Variants in SMG6 observed in about 807,000 individuals in gnomAD.
The protein encoded by SMG6 is SMG6 nonsense mediated mRNA decay factor.
SMG6 carries 66 observed loss-of-function variants against 142.2 expected under a neutral mutation model. The observed-to-expected ratio is 0.46, with a 90% CI of 0.38 to 0.57. The LOEUF (loss-of-function observed/expected upper bound fraction) is 0.57. SMG6 is among the 20% of genes least tolerant of loss of function. SMG6 has a pLI of 0.00. For synonymous variants in SMG6, 779 were observed against 702.4 expected (o/e 1.11, Z -1.72); for missense variants, 1,793 against 1,832.0 (o/e 0.98, Z 0.39).
chr17:2,101,996 T>C (rs974671947), intron 13 of SMG6, among the ~76,000 whole-genome samples: 12 of 152,164 alleles, frequency 7.9e-5, no homozygotes, highest in South Asian at 2.1e-4. Context: ...TCAGAGCTGA[T>C]TTCTTGAAGA....
At chr17:2,062,251 A>AGT (rs2067803900) in intron 18 of SMG6, 2 of 152,522 alleles carry the variant, frequency 1.3e-5, no homozygotes, top group African/African-American at 4.8e-5. Flanking sequence ...TACAGGCGAA[A>AGT]GTCTCTAAGA....
chr17:2,088,034 G>T, intron 13 of SMG6: 1 of 985,678 alleles, frequency 1.0e-6, no homozygotes, highest in South Asian at 4.7e-5. Context: ...GGAGAGGGGA[G>T]CTAAGGAGTG....
chr17:2,277,390 T>C (rs1201378788), intron 8 of SMG6, among the ~76,000 whole-genome samples: 2 of 151,922 alleles, frequency 1.3e-5, no homozygotes, highest in African/African-American at 2.4e-5. Context: ...ATGGTCTCGA[T>C]CTCCTGACCT....
At position 2,068,793 on chromosome 17, in the gene SMG6, C is replaced by T. The variant is rs1173606649; in HGVS notation, c.3820G>A (p.Val1274Met). 1 of 1,614,112 alleles carries T rather than the reference C, an allele frequency of 6.2e-7. No homozygotes were observed. Among genetic ancestry groups the T allele is most frequent in the East Asian group, 2.2e-5 (1 of 44,892 alleles). ...CCTGACTCACCGATGAGGGGCACCACCAGGATGTACTTCCTGCTCTCCAGC... is the reference window on the plus strand; with the variant it reads ...CCTGACTCACCGATGAGGGGCACCATCAGGATGTACTTCCTGCTCTCCAGC... ...RLLESRKYIL[V>M]VPLIVINELD... The change falls in exon 16 of 19, where the codon GTG becomes ATG. Residue 1274 changes from valine to methionine, a missense_variant. By Grantham distance (21) the Val-to-Met change is conservative. This residue lies in a region of SMG6 where 179 missense variants were observed against 212.6 expected (regional missense o/e 0.84). Transcript: ENST00000263073. The surrounding 1 kb of genome is among the most constrained non-coding windows in gnomAD (Gnocchi z 6.7).
At chr17:2,283,066 A>T (rs545525325) in intron 7 of SMG6, among the ~76,000 whole-genome samples, 1 of 152,302 alleles carries the variant, frequency 6.6e-6, no homozygotes, top group South Asian at 2.1e-4. Flanking sequence ...GCTACTCGGG[A>T]GGCTGAGGCA....
chr17:2,227,931 T>G (rs2073364169), intron 10 of SMG6, among the ~76,000 whole-genome samples: 1 of 152,092 alleles, frequency 6.6e-6, no homozygotes, highest in Non-Finnish European at 1.5e-5. Context: ...ATAAATCAAC[T>G]ACAGCTACAC....
At chr17:2,172,309 G>A (rs955391203) in intron 13 of SMG6, among the ~76,000 whole-genome samples, 1 of 152,080 alleles carries the variant, frequency 6.6e-6, no homozygotes. Context: ...GTGGCGGAGG[G>A]GGGCGGGGAG....
intron 10 of SMG6, among the ~76,000 whole-genome samples, chr17:2,190,757 C>G (rs1396140358): frequency 6.6e-6 from 1 of 152,190 alleles, no homozygotes; most frequent in African/African-American, 2.4e-5. Flanking sequence ...CATGACTGCT[C>G]TGTCCTTGGT....
chr17:2,129,225 G>A (rs973612747), intron 13 of SMG6, among the ~76,000 whole-genome samples: 1 of 152,036 alleles, frequency 6.6e-6, no homozygotes, highest in Non-Finnish European at 1.5e-5. Context: ...ACTCAGGAGG[G>A]TGAGGTGGGA....
At chr17:2,202,677 C>A (rs1346881008) in intron 10 of SMG6, among the ~76,000 whole-genome samples, 1 of 152,152 alleles carries the variant, frequency 6.6e-6, no homozygotes, top group Non-Finnish European at 1.5e-5. Flanking sequence ...ACATGAGTAC[C>A]CAGTAGGTAA....
At chr17:2,118,897 CT>C (rs57747544) in intron 13 of SMG6, among the ~76,000 whole-genome samples, 87,147 of 129,064 alleles carry the variant, frequency 0.68, 28,904 homozygotes, top group African/African-American at 0.75. Flanking sequence ...CTCAATGTAG[CT>C]TTTTTTTTTT....
At chr17:2,281,930 C>T (rs150749446) in intron 8 of SMG6, among the ~76,000 whole-genome samples, 1,864 of 152,294 alleles carry the variant, frequency 0.012, 22 homozygotes, top group Non-Finnish European at 0.019. Flanking sequence ...CTAACTCCTA[C>T]TTGTTCTTTA....
chr17:2,285,518 G>A lies in SMG6; in HGVS notation c.2338-1783C>T, dbSNP rs144705074. Among the ~76,000 whole-genome samples, 71 of 152,174 alleles carry A rather than the reference G, an allele frequency of 4.7e-4. 1 individual carries two copies. In the East Asian group the frequency reaches 0.014, roughly 29 times the overall value. ...AGTTACATTTCTATATACTAGCAAT[G>A]AGCAATCTGAAAAAAAAGAAATTAA... On this transcript the variant is annotated intron_variant, in intron 6 of 18. Transcript: ENST00000263073.
intron 9 of SMG6, chr17:2,240,290 C>T (rs1260177684): frequency 2.0e-5 from 3 of 152,176 alleles, no homozygotes; most frequent in East Asian, 1.9e-4. Flanking sequence ...CTGACTCAGA[C>T]GGTGACTAAC....
intron 13 of SMG6, among the ~76,000 whole-genome samples, chr17:2,131,490 G>C (rs2070119658): frequency 6.6e-6 from 1 of 151,988 alleles, no homozygotes; most frequent in Non-Finnish European, 1.5e-5. Flanking sequence ...AGTAGAGACT[G>C]GGTTTCACTA....
chr17:2,193,286 G>A (rs6503321), intron 10 of SMG6, among the ~76,000 whole-genome samples: 62,470 of 152,018 alleles, frequency 0.41, 13,262 homozygotes, highest in African/African-American at 0.5. Flanking sequence ...CTCCCCTTTC[G>A]CCTTCTGCCA....
chr17:2,291,117 G>C (rs960326170), intron 6 of SMG6, among the ~76,000 whole-genome samples: 8 of 152,136 alleles, frequency 5.3e-5, no homozygotes, highest in African/African-American at 1.7e-4. Flanking sequence ...GGATCACGAG[G>C]TCAGGAGGTC....
intron 16 of SMG6, 187 bp from the exon 17 acceptor site, chr17:2,065,866 G>A: frequency 1.7e-6 from 1 of 604,038 alleles, no homozygotes; most frequent in South Asian, 2.0e-5. Flanking sequence ...AGATTTCACA[G>A]GGCTCTACTC....
At chr17:2,134,523 G>A (rs1277757926) in intron 13 of SMG6, among the ~76,000 whole-genome samples, 1 of 148,440 alleles carries the variant, frequency 6.7e-6, no homozygotes, top group Non-Finnish European at 1.5e-5. Context: ...AAATGCTGAT[G>A]TAAGTTTTAT....
Sources: allele counts gnomAD v4.1 joint callset (sites outside exome capture counted in the v4.1 genomes callset), GRCh38; gene constraint gnomAD v4.1.1; regional missense constraint gnomAD v4.1.1; non-coding constraint Gnocchi (gnomAD v3.1); transcripts MANE v1.5; gene names NCBI Gene and HGNC (gene_info 2026-07-23, HGNC 2026-07-21).